ZMYM2: variants seen among roughly 807,000 people sequenced by gnomAD.
ZMYM2 encodes zinc finger MYM-type protein 2.
In ZMYM2, 56 loss-of-function variants were observed where a neutral mutation model predicts 162.8. The ratio of observed to expected loss-of-function variants is 0.34; its 90% CI spans 0.28 to 0.43. ZMYM2 has a LOEUF of 0.43. ZMYM2 is among the 20% of genes least tolerant of loss of function. The probability of loss-of-function intolerance (pLI) is 1.00; values close to 1 mark genes in which losing one functional copy is unlikely to be tolerated. For synonymous variants in ZMYM2, 510 were observed against 541.6 expected, an observed-to-expected ratio of 0.94 and a Z score of 0.81; for missense variants, 1,275 against 1,621.8, an observed-to-expected ratio of 0.79 and a Z score of 3.67.
At position 19,993,690 on chromosome 13, in the gene ZMYM2, C is replaced by T. The variant is rs1194423108; in HGVS notation, c.618C>T (p.Asp206=). ...ATGATGGCCAATTAGAAAATACTGA[C>T]GGGCGAGATATGAACTTAATGATTA... ...SVNDGQLENT[D]GRDMNLMITH... is the part of the protein sequence containing the mutation. Residue 206 remains aspartate (D), a synonymous_variant, in exon 3 of 25, where the codon GAC becomes GAT. Coordinates refer to ENST00000610343, the MANE Select transcript of ZMYM2 (RefSeq NM_197968.4). The T allele has an allele frequency of 3.1e-6, 5 of 1,613,952 alleles. No homozygotes were observed. Among genetic ancestry groups the T allele is most frequent in the African/African-American group, 1.3e-5 (1 of 75,046 alleles).
chr13:19,956,864 A>G (rs1044700601), upstream of ZMYM2, among the ~76,000 whole-genome samples: 1 of 152,234 alleles, frequency 6.6e-6, no homozygotes, highest in Non-Finnish European at 1.5e-5. Context: ...AAATTATTAC[A>G]ATTTGGTAGT....
intron 7 of ZMYM2, among the ~76,000 whole-genome samples, chr13:20,022,814 C>G (rs189037583): frequency 6.6e-5 from 10 of 152,140 alleles, no homozygotes; most frequent in African/African-American, 2.2e-4. Context: ...ATTGCCACTT[C>G]TTCTAATCAA....
chr13:20,007,433 G>T (rs994710351), intron 6 of ZMYM2, among the ~76,000 whole-genome samples: 1 of 151,860 alleles, frequency 6.6e-6, no homozygotes, highest in African/African-American at 2.4e-5. Flanking sequence ...CACTGCACCC[G>T]TCCAGGTTAA....
chr13:20,010,199 G>A (rs769105814), intron 6 of ZMYM2, among the ~76,000 whole-genome samples: 1 of 151,728 alleles, frequency 6.6e-6, no homozygotes, highest in South Asian at 2.1e-4. Context: ...TGTTGTTGTT[G>A]TTTTTTTTAT....
intron 3 of ZMYM2, among the ~76,000 whole-genome samples, chr13:20,000,768 A>G (rs973438945): frequency 6.6e-6 from 1 of 152,254 alleles, no homozygotes; most frequent in Non-Finnish European, 1.5e-5. Flanking sequence ...CACAATATTC[A>G]TTCTGTAGCC....
At chr13:19,976,116 G>A (rs773187578) in intron 2 of ZMYM2, among the ~76,000 whole-genome samples, 11 of 151,956 alleles carry the variant, frequency 7.2e-5, no homozygotes, top group Non-Finnish European at 1.3e-4. Context: ...GGCAGATCAC[G>A]AGGTCAAGAA....
At chr13:20,074,235 T>A (rs199968890) in intron 21 of ZMYM2, among the ~76,000 whole-genome samples, 20,339 of 145,386 alleles carry the variant, frequency 0.14, 1,748 homozygotes, top group African/African-American at 0.25. Flanking sequence ...TGTGTGTGTG[T>A]GTGAGAGAGA....
chr13:19,902,936 C>G, the ZMYM2 span, among the ~76,000 whole-genome samples: 5 of 151,830 alleles, frequency 3.3e-5, no homozygotes, highest in Admixed American at 3.3e-4. Flanking sequence ...GTGGGTGGAT[C>G]ACTTGAGGTC....
intron 2 of ZMYM2, among the ~76,000 whole-genome samples, chr13:19,987,215 A>G (rs1049421465): frequency 6.6e-6 from 1 of 151,778 alleles, no homozygotes; most frequent in Non-Finnish European, 1.5e-5. Flanking sequence ...ATTCACAGCT[A>G]TTAAGCAAAA....
intron 2 of ZMYM2, among the ~76,000 whole-genome samples, chr13:19,980,013 GT>G (rs990395224): frequency 5.3e-5 from 8 of 151,220 alleles, no homozygotes; most frequent in Non-Finnish European, 8.9e-5. Flanking sequence ...TATTTCATCT[GT>G]TTTTTTTATG....
chr13:19,967,494 G>C (rs892943250), intron 2 of ZMYM2, among the ~76,000 whole-genome samples: 5 of 152,210 alleles, frequency 3.3e-5, no homozygotes, highest in Admixed American at 2.6e-4. Flanking sequence ...TGGGGTGATA[G>C]AGTGTTATAT....
chr13:20,079,002 G>A (rs1957714814), intron 21 of ZMYM2, among the ~76,000 whole-genome samples: 1 of 150,836 alleles, frequency 6.6e-6, no homozygotes, highest in Non-Finnish European at 1.5e-5. Context: ...TCTTAAAAAA[G>A]GAATTTATAT....
At chr13:20,013,079 G>A (rs996051383) in intron 6 of ZMYM2, among the ~76,000 whole-genome samples, 6 of 152,156 alleles carry the variant, frequency 3.9e-5, no homozygotes, top group Non-Finnish European at 7.4e-5. Flanking sequence ...AAGTTATTCT[G>A]TCTGTGAAAA....
chr13:19,940,950 G>A, the ZMYM2 span, among the ~76,000 whole-genome samples: 3 of 152,114 alleles, frequency 2.0e-5, no homozygotes, highest in African/African-American at 7.2e-5. Context: ...GAGAGATAGA[G>A]CTATAAACAA....
intron 2 of ZMYM2, among the ~76,000 whole-genome samples, chr13:19,975,162 G>A (rs1312515908): frequency 8.6e-6 from 1 of 116,318 alleles, no homozygotes; most frequent in South Asian, 3.1e-4. Flanking sequence ...CCCCCATATG[G>A]TGTCTTCTTT....
chr13:20,082,936 A>G lies in ZMYM2; in HGVS notation c.3724A>G (p.Thr1242Ala). The change falls in exon 23 of 25, where the codon ACT (threonine) becomes GCT (alanine). Residue 1242 changes from threonine (T) to alanine (A), a missense_variant. By Grantham distance (58) the Thr-to-Ala change is moderately conservative (BLOSUM62 0). This residue lies in a region of ZMYM2 where 103 missense variants were observed against 192.2 expected (regional missense o/e 0.54). Transcript: ENST00000610343. ...VEQHLRLSFG[T>A]VFRHWKKNPL... ...ACAACACTTAAGACTTTCCTTTGGC[A>G]CTGTGTTTAGGCATTGGAAAAAAAA... 1 of 1,613,998 alleles carries G rather than the reference A, an allele frequency of 6.2e-7. No individual in the cohort carries two copies. The highest frequency in any genetic ancestry group is 8.5e-7 in the Non-Finnish European group (1 of 1,179,882).
chr13:19,998,648 T>A (rs986329623), intron 3 of ZMYM2, among the ~76,000 whole-genome samples: 1 of 152,204 alleles, frequency 6.6e-6, no homozygotes, highest in African/African-American at 2.4e-5. Context: ...AATTCCAGAA[T>A]GCACTCTTTA....
the ZMYM2 span, among the ~76,000 whole-genome samples, chr13:19,884,947 CATTTTACAGAGTGCTGATTGGTAT>C: frequency 5.9e-5 from 9 of 152,286 alleles, no homozygotes; most frequent in Non-Finnish European, 1.2e-4. Flanking sequence ...CTGATTGGCC[CATTTTACAGAGTGCTGATTGGTAT>C]ATTTTACAGA....
rs745514330 is a variant in ZMYM2, at chr13:20,059,559, T to A, written c.2736T>A (p.Val912=). 5 of 1,165,976 alleles carry A rather than the reference T, an allele frequency of 4.3e-6. No homozygotes were observed. Among genetic ancestry groups the A allele is most frequent in the Non-Finnish European group, 6.5e-6 (5 of 771,558 alleles). 72.2% of individuals were successfully genotyped at this position (1,165,976 alleles called of 1,614,324 possible). ...QNIPVPTTVP[V]PVPVPVFLPA... Reference sequence around the variant, plus strand: ...TTCCTGTTCCTACTACAGTTCCTGTTCCTGTAAGTCACATTTTAAGTTCTT... The same window carrying A: ...TTCCTGTTCCTACTACAGTTCCTGTACCTGTAAGTCACATTTTAAGTTCTT... The change falls in exon 16 of 25, where the codon GTT becomes GTA. Residue 912 remains valine (V), a synonymous_variant. Coordinates refer to ENST00000610343, the MANE Select transcript of ZMYM2 (RefSeq NM_197968.4).
Sources: gnomAD v4.1 joint callset for allele counts (sites outside exome capture counted in the v4.1 genomes callset) on GRCh38, gnomAD v4.1.1 for gene constraint, gnomAD v4.1.1 regional missense constraint, MANE v1.5 for transcripts, NCBI Gene and HGNC (gene_info 2026-07-23, HGNC 2026-07-21) for gene names.